Variants in ABCB11 observed in about 807,000 individuals in gnomAD.
ABCB11 encodes ATP binding cassette subfamily B member 11, also known as bile salt export pump.
In ABCB11, 95 loss-of-function variants were observed where a neutral mutation model predicts 148.0. That is an observed-to-expected ratio of 0.64 (90% CI 0.54 to 0.76). The LOEUF (loss-of-function observed/expected upper bound fraction) is 0.76, where lower values mean the gene tolerates loss of function less well. Ranked by LOEUF, ABCB11 falls within the 30% of genes least tolerant of loss-of-function variation. ABCB11 has a pLI of 0.00. For missense variants in ABCB11, 1,523 were observed against 1,617.8 expected (o/e 0.94, Z 1.01); for synonymous variants, 591 against 555.4 (o/e 1.06, Z -0.90).
At position 168,924,729 on chromosome 2, in the gene ABCB11, C is replaced by T; in HGVS notation, c.3693G>A (p.Arg1231=). ...AGATTTTAGGATCTCGTACAATGGC[C>T]CGAGCAATAGCAATGCGTTGTTTCT... The part of the protein sequence containing the change: ...RGEKQRIAIA[R]AIVRDPKILL... The change falls in exon 27 of 28, where the codon CGG becomes CGA. Residue 1231 remains arginine, a synonymous_variant. Transcript: ENST00000650372. The T allele has an allele frequency of 1.2e-6, 2 of 1,613,430 alleles. No homozygotes were observed. The highest frequency in any genetic ancestry group is 1.7e-6 in the Non-Finnish European group (2 of 1,179,744).
intron 25 of ABCB11, 51 bp downstream of exon 25, chr2:168,930,614 T>C: frequency 7.2e-7 from 1 of 1,381,398 alleles, no homozygotes; most frequent in Non-Finnish European, 9.5e-7. Flanking sequence ...CTTTTAGGGG[T>C]TGGAAATACT....
In ABCB11 at chr2:168,986,092, T is replaced by A. The variant is rs7560402; in HGVS notation, c.1083+18A>T. 4.2e-3 allele frequency: 6,408 copies of A among 1,538,802 alleles called. 227 individuals carry two copies. The African/African-American group carries it at 0.076, about 18-fold the overall frequency. On this transcript the variant is annotated intron_variant, in intron 10 of 27. Transcript: ENST00000650372. ...ACCAGAAGGAAATGCTATGTCTCGGTCAATAAGTCCAAGGTACCTGGACAA... is the reference window on the plus strand; with the variant it reads ...ACCAGAAGGAAATGCTATGTCTCGGACAATAAGTCCAAGGTACCTGGACAA...
chr2:169,022,376 TG>T (rs1695564779), intron 1 of ABCB11, among the ~76,000 whole-genome samples: 1 of 151,652 alleles, frequency 6.6e-6, no homozygotes, highest in South Asian at 2.1e-4. Flanking sequence ...TAATTGAAAA[TG>T]GGAAAGGTAA....
chr2:169,016,283 A>G (rs757495591), intron 3 of ABCB11, among the ~76,000 whole-genome samples: 2 of 152,078 alleles, frequency 1.3e-5, no homozygotes, highest in African/African-American at 2.4e-5. Flanking sequence ...CACCACCTCC[A>G]CTTCAGGAAC....
At chr2:168,942,181 G>C (rs1364342425) in intron 21 of ABCB11, among the ~76,000 whole-genome samples, 1 of 151,426 alleles carries the variant, frequency 6.6e-6, no homozygotes, top group Non-Finnish European at 1.5e-5. Context: ...ATTCAAAATA[G>C]TGGAAAAAAT....
intron 17 of ABCB11, 56 bp from the exon 18 acceptor site, chr2:168,964,364 TCAAC>T: frequency 7.6e-7 from 1 of 1,313,400 alleles, no homozygotes; most frequent in Non-Finnish European, 1.1e-6. Flanking sequence ...TGGAGCAGGA[TCAAC>T]TGGTGTCCAA....
At chr2:169,023,937 T>C (rs2106070513) in intron 1 of ABCB11, among the ~76,000 whole-genome samples, 1 of 152,282 alleles carries the variant, frequency 6.6e-6, no homozygotes, top group African/African-American at 2.4e-5. Flanking sequence ...AGGAGGTAAC[T>C]TGGTGTTCAT....
At chr2:168,920,455 TTTTTC>T (rs1218746780), downstream of ABCB11, among the ~76,000 whole-genome samples, 1 of 152,142 alleles carries the variant, frequency 6.6e-6, no homozygotes, top group Non-Finnish European at 1.5e-5. Flanking sequence ...TACCCTCAAT[TTTTTC>T]TTTTCTTATT....
At chr2:168,954,358 C>A (rs1032217641) in intron 19 of ABCB11, among the ~76,000 whole-genome samples, 2 of 151,296 alleles carry the variant, frequency 1.3e-5, no homozygotes, top group Non-Finnish European at 3.0e-5. Context: ...TGAGCAATGA[C>A]CTTTTGTTTC....
At chr2:168,986,330 A>C in intron 9 of ABCB11, 46 bp from the exon 10 acceptor site, 1 of 1,530,918 alleles carries the variant, frequency 6.5e-7, no homozygotes, top group South Asian at 1.1e-5. Flanking sequence ...AAACAGCTCA[A>C]GTTATAATGT....
intron 1 of ABCB11, among the ~76,000 whole-genome samples, chr2:169,020,514 G>C (rs748158385): frequency 3.9e-5 from 6 of 152,040 alleles, no homozygotes; most frequent in Non-Finnish European, 8.8e-5. Flanking sequence ...GAATATTATT[G>C]AAAATAGTCC....
At chr2:168,931,201 C>G (rs75236217) in intron 24 of ABCB11, among the ~76,000 whole-genome samples, 1,609 of 152,168 alleles carry the variant, frequency 0.011, 31 homozygotes, top group African/African-American at 0.036. Context: ...CTGTCCAAAC[C>G]CTATAGCTTT....
rs1303656262 is a variant in ABCB11, at chr2:168,986,128, T to A, written c.1065A>T (p.Thr355=). 2 of 1,609,918 alleles carry A rather than the reference T, an allele frequency of 1.2e-6. No individual in the cohort carries two copies. The highest frequency in any genetic ancestry group is 1.7e-6 in the Non-Finnish European group (2 of 1,177,838). Residue 355 remains threonine, a synonymous_variant, in exon 10 of 28, where the codon ACA becomes ACT. Transcript: ENST00000650372. ...AAGGTACCTGGACAAGGGTTCCTGGTGTATATTCTCCTTCATCCAGGACAA... is the reference window on the plus strand; with the variant it reads ...AAGGTACCTGGACAAGGGTTCCTGGAGTATATTCTCCTTCATCCAGGACAA... The part of the protein sequence containing the change: ...STLVLDEGEY[T]PGTLVQIFLS...
intron 21 of ABCB11, among the ~76,000 whole-genome samples, chr2:168,937,399 C>T (rs958955735): frequency 6.6e-6 from 1 of 152,086 alleles, no homozygotes; most frequent in South Asian, 2.1e-4. Flanking sequence ...ATATGGTAGT[C>T]CCCTGTTCAA....
intron 1 of ABCB11, among the ~76,000 whole-genome samples, chr2:169,027,193 T>G (rs1490676200): frequency 6.6e-6 from 1 of 152,214 alleles, no homozygotes; most frequent in African/African-American, 2.4e-5. Context: ...GACTGAGAAT[T>G]TTCAAGGCAT....
Position 168,935,297 on chromosome 2 carries a change from G to A in ABCB11, c.2943C>T (p.Tyr981=), listed in dbSNP as rs145720664. The change falls in exon 23 of 28, where the codon TAC becomes TAT. Residue 981 remains tyrosine (Y), a synonymous_variant. Coordinates refer to ENST00000650372, the MANE Select transcript of ABCB11 (RefSeq NM_003742.4). ...FKTAIQKANI[Y]GFCFAFAQCI... ...ACTGGGCAAAGGCAAAGCAGAATCC[G>A]TAAATATTGGCTTTCTGAATGGCTG... is the stretch of plus-strand genomic sequence containing the variant. 4.9e-4 allele frequency: 785 copies of A among 1,613,962 alleles called. 2 individuals carry two copies. The African/African-American group carries it at 8.3e-3, about 17-fold the overall frequency.
chr2:168,995,477 G>A lies in ABCB11; in HGVS notation c.483C>T (p.Cys161=), dbSNP rs777119489. The change falls in exon 7 of 28, where the codon TGC becomes TGT. Residue 161 remains cysteine (C), a synonymous_variant. Coordinates refer to ENST00000650372, the MANE Select transcript of ABCB11 (RefSeq NM_003742.4). Reference sequence around the variant, plus strand: ...GACGAGCTGCGGCAATGACCCAAAAGCATATCTGGAAATGGACAAAGGAAT... The same window carrying A: ...GACGAGCTGCGGCAATGACCCAAAAACATATCTGGAAATGGACAAAGGAAT... ...AVLITGYIQI[C]FWVIAAARQI... is the part of the protein sequence containing the mutation. 1 of 1,609,740 alleles carries A rather than the reference G, an allele frequency of 6.2e-7. No individual in the cohort carries two copies. The highest frequency in any genetic ancestry group is 1.7e-5 in the Admixed American group (1 of 59,402).
intron 1 of ABCB11, among the ~76,000 whole-genome samples, chr2:169,026,753 G>T (rs1695708915): frequency 6.6e-6 from 1 of 152,148 alleles, no homozygotes; most frequent in Non-Finnish European, 1.5e-5. Context: ...TGGAGGACAT[G>T]GCTGCCAGTC....
chr2:169,009,383 G>A (rs1171356470), intron 5 of ABCB11, among the ~76,000 whole-genome samples: 2 of 151,958 alleles, frequency 1.3e-5, no homozygotes, highest in African/African-American at 4.8e-5. Flanking sequence ...ATACACCATG[G>A]AATACTATGC....
Sources: allele counts gnomAD v4.1 joint callset (sites outside exome capture counted in the v4.1 genomes callset), GRCh38; gene constraint gnomAD v4.1.1; transcripts MANE v1.5; gene names NCBI Gene and HGNC (gene_info 2026-07-23, HGNC 2026-07-21).